Variants in PHACTR3 observed in about 807,000 individuals in gnomAD.
PHACTR3 encodes the protein protein phosphatase 1, regulatory subunit 123.
PHACTR3 carries 16 observed loss-of-function variants against 66.8 expected under a neutral mutation model. That is an observed-to-expected ratio of 0.24 (90% CI 0.16 to 0.36). The LOEUF is 0.36. PHACTR3 is among the 10% of genes least tolerant of loss of function. The probability of loss-of-function intolerance (pLI) is 1.00; values close to 1 mark genes in which losing one functional copy is unlikely to be tolerated. For synonymous variants in PHACTR3, 323 were observed against 292.1 expected (o/e 1.11, Z -1.08); for missense variants, 647 against 719.9 (o/e 0.90, Z 1.16).
At chr20:59,784,524 T>C (rs1457588349) in intron 7 of PHACTR3, among the ~76,000 whole-genome samples, 1 of 152,112 alleles carries the variant, frequency 6.6e-6, no homozygotes, top group Non-Finnish European at 1.5e-5. Context: ...GGTAAAGGCT[T>C]TCCACATAGG....
chr20:59,607,778 T>G (rs2033716781), intron 1 of PHACTR3, among the ~76,000 whole-genome samples: 1 of 152,214 alleles, frequency 6.6e-6, no homozygotes, highest in Non-Finnish European at 1.5e-5. Context: ...AGATCTTGCC[T>G]CATTGCAATA....
chr20:59,754,227 G>C (rs79160586), intron 3 of PHACTR3, among the ~76,000 whole-genome samples: 2,418 of 152,296 alleles, frequency 0.016, 33 homozygotes, highest in Non-Finnish European at 0.024. Flanking sequence ...GCATTAAGGT[G>C]CAAACCCAGG....
chr20:59,809,788 TG>T (rs2041679518), intron 8 of PHACTR3, among the ~76,000 whole-genome samples: 2 of 152,170 alleles, frequency 1.3e-5, no homozygotes, highest in Non-Finnish European at 2.9e-5. Context: ...GCTGTAGTGA[TG>T]AAGTAGCTGT....
intron 5 of PHACTR3, among the ~76,000 whole-genome samples, chr20:59,769,882 T>C (rs75128701): frequency 0.022 from 3,401 of 152,360 alleles, 57 homozygotes; most frequent in Non-Finnish European, 0.035. Context: ...AGTACAAAGT[T>C]TGAGGCAAAA....
At chr20:59,715,776 T>A (rs563300338) in intron 1 of PHACTR3, among the ~76,000 whole-genome samples, 1 of 152,294 alleles carries the variant, frequency 6.6e-6, no homozygotes, top group Admixed American at 6.5e-5. Flanking sequence ...AGAGGTGACA[T>A]CCTTTACGTG....
At chr20:59,623,632 G>A (rs1163714572) in intron 1 of PHACTR3, among the ~76,000 whole-genome samples, 2 of 152,198 alleles carry the variant, frequency 1.3e-5, no homozygotes, top group East Asian at 3.9e-4. Flanking sequence ...GCATCTGTGG[G>A]ATGTAGATAT....
intron 1 of PHACTR3, among the ~76,000 whole-genome samples, chr20:59,694,690 T>C (rs891592549): frequency 6.6e-6 from 1 of 152,198 alleles, no homozygotes; most frequent in Non-Finnish European, 1.5e-5. Context: ...AGCACCTACC[T>C]GGCTTATAAT....
At chr20:59,674,598 C>T (rs1484312645) in intron 1 of PHACTR3, among the ~76,000 whole-genome samples, 2 of 87,824 alleles carry the variant, frequency 2.3e-5, no homozygotes, top group Non-Finnish European at 4.4e-5. Context: ...CTCCTGTCCC[C>T]GCTTCTCCTG....
At chr20:59,844,608 C>G (rs1166044616) in intron 11 of PHACTR3, 1 of 152,128 alleles carries the variant, frequency 6.6e-6, no homozygotes, top group Non-Finnish European at 1.5e-5. Flanking sequence ...CGCATGTTCT[C>G]ACTCATGTGG....
intron 1 of PHACTR3, among the ~76,000 whole-genome samples, chr20:59,709,911 T>C (rs937690986): frequency 6.6e-6 from 1 of 152,266 alleles, no homozygotes; most frequent in Non-Finnish European, 1.5e-5. Flanking sequence ...GTGCAGCTTA[T>C]AGGCTACTTG....
At chr20:59,633,264 A>C (rs1223861519) in intron 1 of PHACTR3, among the ~76,000 whole-genome samples, 3 of 152,256 alleles carry the variant, frequency 2.0e-5, no homozygotes, top group African/African-American at 7.2e-5. Flanking sequence ...ATGCCCATCA[A>C]TGATAGATTG....
At chr20:59,693,753 CTG>C (rs1456309876) in intron 1 of PHACTR3, among the ~76,000 whole-genome samples, 17 of 152,190 alleles carry the variant, frequency 1.1e-4, no homozygotes, top group African/African-American at 4.1e-4. Flanking sequence ...GGGTATAACA[CTG>C]TCAGATTTTG....
In PHACTR3 at chr20:59,595,759, G is replaced by A. The variant is rs2865750; in HGVS notation, c.109+18142G>A. Among the ~76,000 whole-genome samples the A allele has an allele frequency of 6.1e-3, 927 of 152,148 alleles. 11 individuals are homozygous for A. Among genetic ancestry groups the A allele is most frequent in the African/African-American group, 0.021 (864 of 41,498 alleles). ...TGTCAATTTTTACCTCATGTATTTT[G>A]ACGTCTGTCATTAGGTGTGTACGCG... is the stretch of plus-strand genomic sequence containing the variant. On this transcript the variant is annotated intron_variant, in intron 1 of 12. Transcript: ENST00000359926.
chr20:59,754,881 G>A (rs1015736975), intron 3 of PHACTR3, among the ~76,000 whole-genome samples: 6 of 152,260 alleles, frequency 3.9e-5, no homozygotes, highest in Non-Finnish European at 5.9e-5. Context: ...CTGCAAAGGT[G>A]CACGGCAGTG....
intron 1 of PHACTR3, among the ~76,000 whole-genome samples, chr20:59,682,264 C>A (rs538704555): frequency 6.6e-6 from 1 of 152,274 alleles, no homozygotes; most frequent in Admixed American, 6.5e-5. Flanking sequence ...CGCTCCAACC[C>A]AGGAGGCAGA....
intron 1 of PHACTR3, among the ~76,000 whole-genome samples, chr20:59,672,209 G>A (rs151003198): frequency 5.6e-4 from 85 of 152,326 alleles, no homozygotes; most frequent in African/African-American, 1.9e-3. Context: ...GACGGCCCCC[G>A]CCACAGAGCA....
At chr20:59,678,635 A>G (rs17804711) in intron 1 of PHACTR3, among the ~76,000 whole-genome samples, 19,552 of 152,220 alleles carry the variant, frequency 0.13, 1,543 homozygotes, top group Non-Finnish European at 0.17. Flanking sequence ...TGCAGAGCTT[A>G]CCGTGTTTTG....
chr20:59,785,532 C>T (rs1156587888), intron 7 of PHACTR3, among the ~76,000 whole-genome samples: 1 of 152,146 alleles, frequency 6.6e-6, no homozygotes, highest in Non-Finnish European at 1.5e-5. Context: ...TGCTGGACTC[C>T]ATTCTTGCAG....
intron 1 of PHACTR3, among the ~76,000 whole-genome samples, chr20:59,646,722 C>T (rs1363068593): frequency 3.3e-5 from 5 of 152,216 alleles, no homozygotes; most frequent in Non-Finnish European, 5.9e-5. Context: ...GAGCTGGAAT[C>T]TGACTAGGCA....
Sources: allele counts gnomAD v4.1 joint callset (sites outside exome capture counted in the v4.1 genomes callset), GRCh38; gene constraint gnomAD v4.1.1; transcripts MANE v1.5; gene names NCBI Gene and HGNC (gene_info 2026-07-23, HGNC 2026-07-21).